Variants in SLC4A4 observed in about 807,000 individuals in gnomAD.
The protein encoded by SLC4A4 is solute carrier family 4 member 4.
Under a neutral mutation model 111.5 loss-of-function variants are expected in SLC4A4, and 27 were observed. That is an observed-to-expected ratio of 0.24 (90% CI 0.18 to 0.33). The LOEUF (loss-of-function observed/expected upper bound fraction) is 0.33, where lower values mean the gene tolerates loss of function less well. Ranked by LOEUF, SLC4A4 falls within the 10% of genes least tolerant of loss-of-function variation. The pLI is 1.00. For synonymous variants in SLC4A4, 443 were observed against 463.4 expected, an observed-to-expected ratio of 0.96 and a Z score of 0.57; for missense variants, 909 against 1,315.5, an observed-to-expected ratio of 0.69 and a Z score of 4.78.
At chr4:71,109,086 C>T (rs2148950775) in intron 2 of SLC4A4, among the ~76,000 whole-genome samples, 1 of 152,128 alleles carries the variant, frequency 6.6e-6, no homozygotes, top group East Asian at 1.9e-4. Context: ...GGATATTTGA[C>T]TCTAATAATG....
At chr4:71,128,640 C>T (rs1270464365) in intron 2 of SLC4A4, among the ~76,000 whole-genome samples, 1 of 152,054 alleles carries the variant, frequency 6.6e-6, no homozygotes, top group African/African-American at 2.4e-5. Flanking sequence ...GGGTGTGAAC[C>T]ACCGTGCCAA....
At chr4:71,498,328 G>A (rs552837428) in intron 16 of SLC4A4, among the ~76,000 whole-genome samples, 4 of 152,248 alleles carry the variant, frequency 2.6e-5, no homozygotes, top group African/African-American at 7.2e-5. Context: ...TATAAGAAAA[G>A]ACTAATATTT....
At chr4:71,515,688 C>T (rs1229359489) in intron 16 of SLC4A4, among the ~76,000 whole-genome samples, 1 of 152,102 alleles carries the variant, frequency 6.6e-6, no homozygotes, top group Non-Finnish European at 1.5e-5. Flanking sequence ...TTGTTATATC[C>T]TCTTCCTGGA....
chr4:71,376,164 C>CACACACACAT (rs1286090548), intron 6 of SLC4A4, among the ~76,000 whole-genome samples: 1 of 147,610 alleles, frequency 6.8e-6, no homozygotes, highest in Non-Finnish European at 1.5e-5. Flanking sequence ...TATACACACA[C>CACACACACAT]ACACACACAC....
At chr4:71,514,024 G>A (rs1732158441) in intron 16 of SLC4A4, among the ~76,000 whole-genome samples, 5 of 152,170 alleles carry the variant, frequency 3.3e-5, no homozygotes, top group Admixed American at 3.3e-4. Context: ...TGTACTGTTG[G>A]ATTTGGGTTG....
rs553136457 is a variant in SLC4A4 at position 71,289,729 on chromosome 4, T to C, written c.253+34330T>C. On this transcript the variant is annotated intron_variant, in intron 3 of 25. Coordinates refer to ENST00000264485, the MANE Select transcript of SLC4A4 (RefSeq NM_001098484.3). ...CAGACAGAGATGAGGAAGAAAGATA[T>C]ATGTGAGGCCATAGGTTTGGAAGTG... Among the ~76,000 whole-genome samples the C allele has an allele frequency of 1.3e-5, 2 of 152,188 alleles. 1 individual carries two copies. Among genetic ancestry groups the C allele is most frequent in the South Asian group, 4.1e-4 (2 of 4,822 alleles).
In SLC4A4 at chr4:71,419,476, C is replaced by T. The variant is rs555087903; in HGVS notation, c.808-21140C>T. Among the ~76,000 whole-genome samples, 755 of 152,334 alleles carry T rather than the reference C, an allele frequency of 5.0e-3. 10 individuals are homozygous for T. Among genetic ancestry groups the T allele is most frequent in the Non-Finnish European group, 8.6e-3 (582 of 68,024 alleles). ...GCTGTGCTAGCAATCAGCGAGACTC[C>T]GTGGGCGTAGGACCCTCCGAGCCAG... is the stretch of plus-strand genomic sequence containing the variant. On this transcript the variant is annotated intron_variant, in intron 7 of 25. Transcript: ENST00000264485.
Position 71,447,630 on chromosome 4 carries a change from T to C in SLC4A4, c.966-16T>C, listed in dbSNP as rs1560516743. Reference sequence around the variant, plus strand: ...AAATGTGTGTTATAGCCTTTGCTTCTTTCCTTTTCCATTAGGTTCTTGTTC... The same window carrying C: ...AAATGTGTGTTATAGCCTTTGCTTCCTTCCTTTTCCATTAGGTTCTTGTTC... On this transcript the variant is annotated splice_polypyrimidine_tract_variant and intron_variant, in intron 8 of 25. Coordinates refer to ENST00000264485, the MANE Select transcript of SLC4A4 (RefSeq NM_001098484.3). 5 of 1,546,440 alleles carry C rather than the reference T, an allele frequency of 3.2e-6. No homozygotes were observed. The highest frequency in any genetic ancestry group is 2.7e-5 in the African/African-American group (2 of 73,578).
chr4:71,512,919 T>G (rs1732059441), intron 16 of SLC4A4, among the ~76,000 whole-genome samples: 1 of 152,206 alleles, frequency 6.6e-6, no homozygotes, highest in South Asian at 2.1e-4. Flanking sequence ...TCTTGTCAGC[T>G]TTTTTGAGGA....
chr4:71,334,092 A>C (rs1231103517), intron 3 of SLC4A4, among the ~76,000 whole-genome samples: 2 of 152,000 alleles, frequency 1.3e-5, no homozygotes, highest in Non-Finnish European at 2.9e-5. Context: ...ACTTCTCCCC[A>C]TGGCCACCAC....
At chr4:71,431,811 G>A (rs540983644) in intron 7 of SLC4A4, among the ~76,000 whole-genome samples, 11 of 152,048 alleles carry the variant, frequency 7.2e-5, no homozygotes, top group Non-Finnish European at 1.3e-4. Context: ...ATCTGCATGT[G>A]TTGTGAATCA....
intron 2 of SLC4A4, among the ~76,000 whole-genome samples, chr4:71,171,477 C>G (rs1196807469): frequency 6.6e-6 from 1 of 152,178 alleles, no homozygotes; most frequent in East Asian, 1.9e-4. Flanking sequence ...TCTGTTCCCT[C>G]AATTGTAGAA....
chr4:71,095,064 T>C, intron 2 of SLC4A4, among the ~76,000 whole-genome samples: 1 of 152,230 alleles, frequency 6.6e-6, no homozygotes, highest in East Asian at 1.9e-4. Context: ...GCATACTGTT[T>C]AATCAGCATA....
intron 2 of SLC4A4, among the ~76,000 whole-genome samples, chr4:71,247,113 C>T (rs1720721696): frequency 1.3e-5 from 2 of 151,520 alleles, no homozygotes; most frequent in South Asian, 4.2e-4. Flanking sequence ...GTATTATCTA[C>T]ATCTCATTTA....
At chr4:71,230,560 G>A (rs969539731) in intron 1 of SLC4A4, among the ~76,000 whole-genome samples, 15 of 152,204 alleles carry the variant, frequency 9.9e-5, no homozygotes, top group Admixed American at 7.9e-4. Flanking sequence ...GGGATGAGTT[G>A]AAATACAAGA....
intron 12 of SLC4A4, among the ~76,000 whole-genome samples, chr4:71,456,878 T>C (rs746110944): frequency 1.3e-5 from 2 of 152,170 alleles, no homozygotes; most frequent in African/African-American, 4.8e-5. Flanking sequence ...CAGAAAAGCA[T>C]TGGCAGAGCC....
chr4:71,383,915 A>T (rs1718411383), intron 6 of SLC4A4, among the ~76,000 whole-genome samples: 1 of 152,170 alleles, frequency 6.6e-6, no homozygotes, highest in Non-Finnish European at 1.5e-5. Flanking sequence ...GTCGCCTTCC[A>T]GTCAGAAAAA....
At chr4:71,546,020 G>T (rs1331967795) in intron 18 of SLC4A4, among the ~76,000 whole-genome samples, 1 of 152,016 alleles carries the variant, frequency 6.6e-6, no homozygotes, top group Non-Finnish European at 1.5e-5. Context: ...TATGGAGTGG[G>T]CATATATATC....
chr4:71,184,203 C>T (rs190103215), upstream of SLC4A4, among the ~76,000 whole-genome samples: 249 of 152,292 alleles, frequency 1.6e-3, 1 homozygote, highest in African/African-American at 5.7e-3. Context: ...CAGGTCACAT[C>T]GGCACCTTAC....
Sources: gnomAD v4.1 joint callset for allele counts (sites outside exome capture counted in the v4.1 genomes callset) on GRCh38, gnomAD v4.1.1 for gene constraint, MANE v1.5 for transcripts, NCBI Gene and HGNC (gene_info 2026-07-23, HGNC 2026-07-21) for gene names.